MAF: variants seen among roughly 807,000 people sequenced by gnomAD.
MAF encodes MAF bZIP transcription factor.
MAF carries 10 observed loss-of-function variants against 22.0 expected under a neutral mutation model. The ratio of observed to expected loss-of-function variants is 0.45; its 90% CI spans 0.28 to 0.77. MAF has a LOEUF of 0.77. Among genes scored for constraint, MAF ranks in the 30% least tolerant of loss-of-function variants. The pLI is 0.12. For synonymous variants in MAF, 337 were observed against 255.8 expected (o/e 1.32, Z -3.03); for missense variants, 544 against 548.4 (o/e 0.99, Z 0.08).
the MAF span, among the ~76,000 whole-genome samples, chr16:79,250,780 G>T: frequency 6.6e-6 from 1 of 152,116 alleles, no homozygotes; most frequent in South Asian, 2.1e-4. Context: ...CATGAGCTTC[G>T]GTTTCCAGCT....
chr16:79,370,828 A>G, the MAF span, among the ~76,000 whole-genome samples: 2 of 151,348 alleles, frequency 1.3e-5, no homozygotes, highest in Non-Finnish European at 2.9e-5. Context: ...CTCCCTTTTC[A>G]TAATTCACTG....
downstream of MAF, among the ~76,000 whole-genome samples, chr16:79,584,161 T>G (rs1215663107): frequency 6.6e-6 from 1 of 152,198 alleles, no homozygotes. Flanking sequence ...ATTTAGTTTT[T>G]ATATCCTAGC....
the MAF span, among the ~76,000 whole-genome samples, chr16:79,226,685 G>A: frequency 6.6e-5 from 10 of 151,984 alleles, no homozygotes; most frequent in African/African-American, 2.2e-4. Context: ...TGCTAATAAT[G>A]TTTATCTCTG....
the MAF span, chr16:79,204,782 A>G: frequency 6.6e-6 from 1 of 152,022 alleles, no homozygotes; most frequent in Non-Finnish European, 1.5e-5. Flanking sequence ...CTGGCTGCCT[A>G]TTTTTCTCTA....
At chr16:79,542,031 G>A in the MAF span, among the ~76,000 whole-genome samples, 1 of 152,146 alleles carries the variant, frequency 6.6e-6, no homozygotes, top group African/African-American at 2.4e-5. Flanking sequence ...GCATGAGATA[G>A]GCTTTGGAAT....
At chr16:79,315,436 G>T in the MAF span, among the ~76,000 whole-genome samples, 1 of 152,104 alleles carries the variant, frequency 6.6e-6, no homozygotes, top group East Asian at 1.9e-4. Context: ...ATTTATTATA[G>T]ATATATTTAT....
downstream of MAF, among the ~76,000 whole-genome samples, chr16:79,590,877 G>A (rs999564923): frequency 1.3e-5 from 2 of 152,026 alleles, no homozygotes; most frequent in East Asian, 1.9e-4. Context: ...TGGGATCCTC[G>A]GCCTGCTTTC....
chr16:79,414,163 C>T, the MAF span, among the ~76,000 whole-genome samples: 1 of 152,216 alleles, frequency 6.6e-6, no homozygotes, highest in Non-Finnish European at 1.5e-5. Flanking sequence ...CTTTGCCAGA[C>T]ACTAAACCAA....
the MAF span, among the ~76,000 whole-genome samples, chr16:79,228,466 T>C: frequency 6.6e-6 from 1 of 152,058 alleles, no homozygotes; most frequent in Non-Finnish European, 1.5e-5. Flanking sequence ...GGAAATGCAC[T>C]GATAATTCTC....
the MAF span, among the ~76,000 whole-genome samples, chr16:79,327,987 C>G: frequency 6.6e-6 from 1 of 152,180 alleles, no homozygotes; most frequent in South Asian, 2.1e-4. Flanking sequence ...ATAACCTGAA[C>G]AAACTCCTGA....
At chr16:79,573,007 A>T in the MAF span, among the ~76,000 whole-genome samples, 1 of 152,188 alleles carries the variant, frequency 6.6e-6, no homozygotes, top group Non-Finnish European at 1.5e-5. Context: ...AAATATCATT[A>T]TTATGTGGTT....
chr16:79,375,367 T>A, the MAF span, among the ~76,000 whole-genome samples: 79 of 152,310 alleles, frequency 5.2e-4, no homozygotes, highest in African/African-American at 1.8e-3. Context: ...ATCATGCACA[T>A]CTCAGATGCC....
chr16:79,385,495 G>A, the MAF span, among the ~76,000 whole-genome samples: 36 of 152,276 alleles, frequency 2.4e-4, no homozygotes, highest in South Asian at 3.9e-3. Flanking sequence ...TAAAAAAGTC[G>A]AAACCTTCCC....
At chr16:79,425,151 T>G in the MAF span, among the ~76,000 whole-genome samples, 2 of 152,218 alleles carry the variant, frequency 1.3e-5, no homozygotes, top group Non-Finnish European at 2.9e-5. Context: ...TTAATGATAT[T>G]ATAATATTTC....
At chr16:79,410,385 A>G in the MAF span, among the ~76,000 whole-genome samples, 2 of 152,366 alleles carry the variant, frequency 1.3e-5, no homozygotes, top group South Asian at 2.1e-4. Flanking sequence ...ACATGCCATT[A>G]GTGGCCATCA....
At chr16:79,432,440 G>A in the MAF span, among the ~76,000 whole-genome samples, 1 of 151,970 alleles carries the variant, frequency 6.6e-6, no homozygotes, top group African/African-American at 2.4e-5. Context: ...TTATAAATTA[G>A]GCACAGAAGT....
At chr16:79,404,808 G>A in the MAF span, among the ~76,000 whole-genome samples, 3 of 152,154 alleles carry the variant, frequency 2.0e-5, no homozygotes, top group Non-Finnish European at 2.9e-5. Context: ...GCGCCACTGA[G>A]GGGTGGCAGC....
the MAF span, among the ~76,000 whole-genome samples, chr16:79,271,532 T>C: frequency 6.6e-6 from 1 of 152,240 alleles, no homozygotes; most frequent in Non-Finnish European, 1.5e-5. Context: ...TAAGTATGCA[T>C]GAGTAGACTG....
the MAF span, among the ~76,000 whole-genome samples, chr16:79,427,108 C>A: frequency 1.3e-5 from 2 of 152,296 alleles, no homozygotes; most frequent in East Asian, 1.9e-4. Flanking sequence ...GAGGACCACA[C>A]GTGATAATGA....
Sources: gnomAD v4.1 joint callset for allele counts (sites outside exome capture counted in the v4.1 genomes callset) on GRCh38, gnomAD v4.1.1 for gene constraint, MANE v1.5 for transcripts, NCBI Gene and HGNC (gene_info 2026-07-23, HGNC 2026-07-21) for gene names.